PTPN2: variants seen among roughly 807,000 people sequenced by gnomAD.
The protein encoded by PTPN2 is tyrosine-protein phosphatase non-receptor type 2.
A neutral mutation model predicts 57.3 loss-of-function variants in PTPN2; 19 were observed. The observed-to-expected ratio is 0.33, with a 90% CI of 0.23 to 0.49. PTPN2 has a LOEUF of 0.49. Ranked by LOEUF, PTPN2 falls within the 20% of genes least tolerant of loss-of-function variation. The pLI is 0.99. For synonymous variants in PTPN2, 153 were observed against 164.9 expected, an observed-to-expected ratio of 0.93 and a Z score of 0.55; for missense variants, 358 against 501.1, an observed-to-expected ratio of 0.71 and a Z score of 2.73.
chr18:12,842,991 G>A (rs137944521), intron 2 of PTPN2, among the ~76,000 whole-genome samples: 139 of 152,218 alleles, frequency 9.1e-4, no homozygotes, highest in African/African-American at 3.0e-3. Context: ...AAACTAATTC[G>A]GCAGAAAGGA....
At chr18:12,794,830 C>T (rs2041108706) in intron 8 of PTPN2, among the ~76,000 whole-genome samples, 1 of 152,166 alleles carries the variant, frequency 6.6e-6, no homozygotes, top group African/African-American at 2.4e-5. Context: ...GCCATGTTGG[C>T]CAGGCTGGTC....
intron 2 of PTPN2, among the ~76,000 whole-genome samples, chr18:12,854,871 C>G (rs1474945843): frequency 1.3e-5 from 2 of 152,126 alleles, no homozygotes; most frequent in African/African-American, 2.4e-5. Flanking sequence ...GCACGGTCGG[C>G]TGGGCACAGT....
chr18:12,814,504 C>T (rs1045234462), intron 6 of PTPN2, 149 bp from the exon 7 acceptor site: 6 of 646,054 alleles, frequency 9.3e-6, no homozygotes, highest in Admixed American at 3.4e-5. Context: ...CTGTTATGTA[C>T]ACAACAACTA....
chr18:12,879,671 C>T (rs2044604327), intron 1 of PTPN2, among the ~76,000 whole-genome samples: 1 of 152,108 alleles, frequency 6.6e-6, no homozygotes, highest in Non-Finnish European at 1.5e-5. Flanking sequence ...AGACACTTTT[C>T]AAAAGGAGCA....
At chr18:12,834,078 G>A (rs1451132447) in intron 3 of PTPN2, among the ~76,000 whole-genome samples, 2 of 152,126 alleles carry the variant, frequency 1.3e-5, no homozygotes, top group Non-Finnish European at 2.9e-5. Context: ...TGTAATCCCA[G>A]CACTTTGGGA....
chr18:12,806,954 A>T (rs73404424), intron 7 of PTPN2, among the ~76,000 whole-genome samples: 22,979 of 152,184 alleles, frequency 0.15, 1,938 homozygotes, highest in African/African-American at 0.21. Context: ...CAAACTAAAA[A>T]GCTTCTGTAT....
intron 1 of PTPN2, among the ~76,000 whole-genome samples, chr18:12,873,612 T>G (rs2044353850): frequency 6.6e-6 from 1 of 152,110 alleles, no homozygotes; most frequent in Non-Finnish European, 1.5e-5. Context: ...CAGGCTGGAG[T>G]GCAGTGGCGT....
chr18:12,864,536 C>G (rs374488873), intron 1 of PTPN2, among the ~76,000 whole-genome samples: 33 of 152,124 alleles, frequency 2.2e-4, no homozygotes, highest in African/African-American at 7.7e-4. Context: ...GCTGGGACCA[C>G]AAATGCCCGC....
rs111415065 is a variant in PTPN2, at chr18:12,861,324, C to T, written c.70-2070G>A. On this transcript the variant is annotated intron_variant, in intron 1 of 8. Transcript: ENST00000309660. Reference sequence around the variant, plus strand: ...AAATGGAAAGTTAATTGACTTAATACCATTTATTGGTTTCTGCATTTATCA... The same window carrying T: ...AAATGGAAAGTTAATTGACTTAATATCATTTATTGGTTTCTGCATTTATCA... 5.1e-3 allele frequency among the ~76,000 whole-genome samples: 769 copies of T among 152,236 alleles called. 16 individuals carry two copies. In the East Asian group the frequency reaches 0.057, roughly 11 times the overall value.
chr18:12,861,541 T>C (rs780865731), intron 1 of PTPN2, among the ~76,000 whole-genome samples: 7 of 152,224 alleles, frequency 4.6e-5, no homozygotes, highest in Non-Finnish European at 7.3e-5. Context: ...TTGCCGTTCA[T>C]GATATTTTAA....
rs1187785002 is a variant in PTPN2 at position 12,794,079 on chromosome 18, T to G, written c.*199A>C. The G allele has an allele frequency of 7.0e-7, 1 of 1,426,634 alleles. No homozygotes were observed. Among genetic ancestry groups the G allele is most frequent in the Non-Finnish European group, 9.1e-7 (1 of 1,097,100 alleles). The allele number at this position is 1,426,634 out of a possible 1,614,324, so 88.4% of individuals were successfully genotyped here. A position where few individuals can be genotyped will look rare whatever the true frequency, so the allele number is the denominator to read the frequency against. ...AATGTCTTTATTTTAGACAGCCATT[T>G]ACAGTTTGGGGTTCAGAGGAACCTG... On this transcript the variant is annotated 3_prime_UTR_variant, in exon 9 of 9. Transcript: ENST00000309660.
At chr18:12,875,980 G>A (rs73950685) in intron 1 of PTPN2, among the ~76,000 whole-genome samples, 10,993 of 152,096 alleles carry the variant, frequency 0.072, 546 homozygotes, top group East Asian at 0.14. Flanking sequence ...GGGTGAAGCC[G>A]GAAGATCGCT....
At chr18:12,802,572 A>G (rs1329350385) in intron 7 of PTPN2, among the ~76,000 whole-genome samples, 2 of 152,204 alleles carry the variant, frequency 1.3e-5, no homozygotes, top group Non-Finnish European at 2.9e-5. Context: ...ACATTATAAT[A>G]AAGCCATCAA....
At chr18:12,801,706 C>T (rs969469777) in intron 8 of PTPN2, 6 of 337,758 alleles carry the variant, frequency 1.8e-5, no homozygotes, top group Non-Finnish European at 2.2e-5. Flanking sequence ...TGGCTGGGAC[C>T]ACAGGCTCGC....
chr18:12,867,851 T>G (rs2145500480), intron 1 of PTPN2, among the ~76,000 whole-genome samples: 1 of 152,352 alleles, frequency 6.6e-6, no homozygotes, highest in Admixed American at 6.5e-5. Flanking sequence ...TCAGTTTCTT[T>G]TCTTTTCTCC....
intron 4 of PTPN2, among the ~76,000 whole-genome samples, chr18:12,829,195 G>A (rs2042581377): frequency 6.6e-6 from 1 of 151,746 alleles, no homozygotes; most frequent in Admixed American, 6.6e-5. Flanking sequence ...ACTGCACCCA[G>A]CCAAGGAAAC....
chr18:12,793,818 T>G lies in PTPN2; in HGVS notation c.*460A>C, dbSNP rs1243369516. ...CTGAAATGCTTAAGAATAAAAGTGT[T>G]GATGCCCATGTCAATAGTACATTAT... On this transcript the variant is annotated 3_prime_UTR_variant, in exon 9 of 9. Transcript: ENST00000309660. The G allele has an allele frequency of 1.1e-6, 1 of 950,984 alleles. No homozygotes were observed. 58.9% of individuals were successfully genotyped at this position (950,984 alleles called of 1,614,324 possible). A position where few individuals can be genotyped will look rare whatever the true frequency, so the allele number is the denominator to read the frequency against.
rs2042436499 is a variant in PTPN2, at chr18:12,825,929, A to G, written c.376T>C (p.Tyr126His). 1 of 1,603,832 alleles carries G rather than the reference A, an allele frequency of 6.2e-7. No individual in the cohort carries two copies. The highest frequency in any genetic ancestry group is 1.3e-5 in the African/African-American group (1 of 74,546). ...VEKESVKCAQYWPTDDQEMLF... is the reference protein window; with the variant it reads ...VEKESVKCAQHWPTDDQEMLF... ...ATCTCTTGGTCATCTGTTGGCCAGT[A>G]CTGTGCACATTTAACCTAAATTTAG... Residue 126 changes from tyrosine to histidine, a missense_variant, in exon 5 of 9, where the codon TAC becomes CAC. Transcript: ENST00000309660.
intron 8 of PTPN2, among the ~76,000 whole-genome samples, chr18:12,798,515 T>C (rs1193641782): frequency 6.6e-6 from 1 of 152,162 alleles, no homozygotes; most frequent in Non-Finnish European, 1.5e-5. Context: ...GTATTTGGTT[T>C]TCTGTTCCTC....
Sources: gnomAD v4.1 joint callset for allele counts (sites outside exome capture counted in the v4.1 genomes callset) on GRCh38, gnomAD v4.1.1 for gene constraint, MANE v1.5 for transcripts, NCBI Gene and HGNC (gene_info 2026-07-23, HGNC 2026-07-21) for gene names.